ELP3: variants seen among roughly 807,000 people sequenced by gnomAD.
ELP3 encodes elongator complex protein 3.
In ELP3, 56 loss-of-function variants were observed where a neutral mutation model predicts 74.9. That is an observed-to-expected ratio of 0.75 (90% confidence interval 0.60 to 0.93). The LOEUF is 0.93. ELP3 is among the 40% of genes least tolerant of loss of function. The pLI is 0.00. For missense variants in ELP3, 573 were observed against 686.5 expected (o/e 0.83, Z 1.85); for synonymous variants, 222 against 239.8 (o/e 0.93, Z 0.68).
rs183384392 is a variant in ELP3, at chr8:28,097,811, C to T, written c.119+493C>T. 4.5e-3 allele frequency among the ~76,000 whole-genome samples: 691 copies of T among 152,262 alleles called. 3 individuals are homozygous for T. Among genetic ancestry groups the T allele is most frequent in the African/African-American group, 0.014 (579 of 41,552 alleles). ...GTTGCTAATGCATTGTATGTATTAG[C>T]TCAGTTAATCCCCTCAAAATTCTGT... On this transcript the variant is annotated intron_variant, in intron 2 of 14. Coordinates refer to ENST00000256398, the MANE Select transcript of ELP3 (RefSeq NM_018091.6).
intron 14 of ELP3, among the ~76,000 whole-genome samples, chr8:28,176,644 C>T (rs927442380): frequency 1.3e-5 from 2 of 152,086 alleles, no homozygotes; most frequent in Non-Finnish European, 1.5e-5. Context: ...GCGTAATCGT[C>T]GTTTTAGCAG....
intron 13 of ELP3, among the ~76,000 whole-genome samples, chr8:28,161,146 C>G (rs1814069025): frequency 1.3e-5 from 2 of 152,238 alleles, no homozygotes; most frequent in Admixed American, 1.3e-4. Context: ...GAACCCTATT[C>G]TAACCCCAGA....
rs147362056 is a variant in ELP3, at chr8:28,094,618, GGAGGCT to G, written c.19+1403_19+1408del. 1.4e-3 allele frequency among the ~76,000 whole-genome samples: 210 copies of G among 151,856 alleles called. 1 individual carries two copies. Among genetic ancestry groups the G allele is most frequent in the Non-Finnish European group, 2.3e-3 (158 of 67,960 alleles). On this transcript the variant is annotated intron_variant, in intron 1 of 14. Coordinates refer to ENST00000256398, the MANE Select transcript of ELP3 (RefSeq NM_018091.6). The stretch of plus-strand genomic sequence containing the variant: ...CCTGTAATCTAATCCCAGCTACTTG[GGAGGCT>G]GAGGCTGAGGCTGAGGCAGAGGCGG...
At position 28,155,971 on chromosome 8, in the gene ELP3, G is replaced by A; in HGVS notation, c.1130G>A (p.Gly377Glu). ...ATTCCAATGCCTTTAGTTAGCTCAG[G>A]AGTAGAGCATGGTAACCTGAGAGAG... ...RDIPMPLVSSGVEHGNLRELA... is the reference protein window; with the variant it reads ...RDIPMPLVSSEVEHGNLRELA... The change falls in exon 11 of 15, where the codon GGA becomes GAA. Residue 377 changes from glycine (G) to glutamate (E), a missense_variant. Coordinates refer to ENST00000256398, the MANE Select transcript of ELP3 (RefSeq NM_018091.6). The A allele has an allele frequency of 6.2e-7, 1 of 1,613,900 alleles. No homozygotes were observed. Among genetic ancestry groups the A allele is most frequent in the Non-Finnish European group, 8.5e-7 (1 of 1,179,824 alleles).
chr8:28,150,176 T>TAC (rs1585711591), intron 10 of ELP3, among the ~76,000 whole-genome samples: 1 of 152,232 alleles, frequency 6.6e-6, no homozygotes, highest in South Asian at 2.1e-4. Flanking sequence ...TGTATGTATA[T>TAC]ACACACACAT....
At position 28,093,219 on chromosome 8, in the gene ELP3, G is replaced by C; in HGVS notation, c.5G>C (p.Arg2Thr). MRQKRKGDLSPA... is the reference protein window; with the variant it reads MTQKRKGDLSPA... ...CTCTGCTACGGCGGCGCAGAAATGA[G>C]GCAGAAGCGGAAAGGTGCGAAAGGG... Residue 2 changes from arginine to threonine, a missense_variant, in exon 1 of 15, where the codon AGG (arginine) becomes ACG (threonine). Transcript: ENST00000256398. 6.2e-7 allele frequency: 1 copy of C among 1,613,290 alleles called. No individual in the cohort carries two copies. The highest frequency in any genetic ancestry group is 1.1e-5 in the South Asian group (1 of 90,658).
At chr8:28,094,507 T>G (rs1267661078) in intron 1 of ELP3, among the ~76,000 whole-genome samples, 1 of 152,072 alleles carries the variant, frequency 6.6e-6, no homozygotes, top group Non-Finnish European at 1.5e-5. Context: ...TCACTTGAGG[T>G]CAGGAATTGG....
chr8:28,150,738 G>C (rs1183331430), intron 10 of ELP3, among the ~76,000 whole-genome samples: 1 of 152,074 alleles, frequency 6.6e-6, no homozygotes, highest in Non-Finnish European at 1.5e-5. Context: ...TGAGCTTCCT[G>C]GATCTGTGGT....
At chr8:28,128,348 C>T (rs959992857) in intron 7 of ELP3, among the ~76,000 whole-genome samples, 5 of 151,918 alleles carry the variant, frequency 3.3e-5, no homozygotes, top group East Asian at 3.9e-4. Context: ...TGGTGGCACG[C>T]ACCTGTAATC....
At chr8:28,174,171 TATTA>T (rs1273883704) in intron 14 of ELP3, among the ~76,000 whole-genome samples, 3 of 152,072 alleles carry the variant, frequency 2.0e-5, no homozygotes, top group African/African-American at 2.4e-5. Context: ...TTAATTTTTT[TATTA>T]ATTGTTGAAA....
At chr8:28,136,570 G>A (rs1246684217) in intron 9 of ELP3, among the ~76,000 whole-genome samples, 1 of 152,150 alleles carries the variant, frequency 6.6e-6, no homozygotes, top group African/African-American at 2.4e-5. Context: ...AATTACAGAA[G>A]AAGATCTCTG....
At chr8:28,126,059 C>T (rs182550203) in intron 7 of ELP3, among the ~76,000 whole-genome samples, 41 of 152,044 alleles carry the variant, frequency 2.7e-4, no homozygotes, top group Middle Eastern at 3.4e-3. Context: ...GCCTTTTAGC[C>T]TCTAGACATG....
At chr8:28,114,551 A>G (rs1183375860) in intron 7 of ELP3, among the ~76,000 whole-genome samples, 2 of 152,150 alleles carry the variant, frequency 1.3e-5, no homozygotes, top group Admixed American at 1.3e-4. Flanking sequence ...ACGTGAAACA[A>G]CTGAGCGAGA....
upstream of ELP3, among the ~76,000 whole-genome samples, chr8:28,092,665 C>T (rs1345741958): frequency 1.3e-5 from 2 of 148,668 alleles, no homozygotes; most frequent in South Asian, 2.2e-4. Context: ...CCAAGGTGAC[C>T]ACCTGGTCCC....
chr8:28,160,912 C>G (rs988380957), intron 13 of ELP3, among the ~76,000 whole-genome samples: 2 of 152,168 alleles, frequency 1.3e-5, no homozygotes, highest in Non-Finnish European at 2.9e-5. Context: ...CCAGGCTAGT[C>G]TCGAACTCCT....
chr8:28,125,759 C>CTTTTTTTTTTTTTTTTTTTTT (rs755484214), intron 7 of ELP3, among the ~76,000 whole-genome samples: 2 of 92,180 alleles, frequency 2.2e-5, no homozygotes, highest in Non-Finnish European at 2.0e-5. Context: ...AGTCATTTCT[C>CTTTTTTTTTTTTTTTTTTTTT]TTTTTTTTTT....
chr8:28,179,851 A>G (rs1814929738), intron 14 of ELP3, among the ~76,000 whole-genome samples: 1 of 152,002 alleles, frequency 6.6e-6, no homozygotes, highest in South Asian at 2.1e-4. Context: ...GTGGCTGTAA[A>G]TGCTGTGTGG....
At chr8:28,111,094 G>A (rs184661383) in intron 6 of ELP3, among the ~76,000 whole-genome samples, 1 of 152,206 alleles carries the variant, frequency 6.6e-6, no homozygotes, top group Admixed American at 6.5e-5. Flanking sequence ...GAAGTATTGT[G>A]ACAGATTTGT....
chr8:28,104,144 G>C (rs1811596181), intron 3 of ELP3, among the ~76,000 whole-genome samples: 1 of 152,162 alleles, frequency 6.6e-6, no homozygotes, highest in African/African-American at 2.4e-5. Flanking sequence ...ATTTGCCACT[G>C]TATATCTTCT....
Sources: gnomAD v4.1 joint callset for allele counts (sites outside exome capture counted in the v4.1 genomes callset) on GRCh38, gnomAD v4.1.1 for gene constraint, MANE v1.5 for transcripts, NCBI Gene and HGNC (gene_info 2026-07-23, HGNC 2026-07-21) for gene names.